Variants in ZNRF1 observed in about 807,000 individuals in gnomAD.
ZNRF1 encodes zinc and ring finger 1.
In ZNRF1, 3 loss-of-function variants were observed where a neutral mutation model predicts 18.4. That is an observed-to-expected ratio of 0.16 (90% confidence interval 0.07 to 0.42). The LOEUF is 0.42. ZNRF1 is among the 10% of genes least tolerant of loss of function. The probability of loss-of-function intolerance (pLI) is 0.99; values close to 1 mark genes in which losing one functional copy is unlikely to be tolerated. For missense variants in ZNRF1, 310 were observed against 329.8 expected (o/e 0.94, Z 0.47); for synonymous variants, 157 against 144.2 (o/e 1.09, Z -0.64).
chr16:75,099,158 C>T (rs983491006), intron 2 of ZNRF1, among the ~76,000 whole-genome samples: 1 of 152,204 alleles, frequency 6.6e-6, no homozygotes, highest in African/African-American at 2.4e-5. Flanking sequence ...GTGGCAGAAA[C>T]TTGGGCTTGG....
chr16:75,026,709 G>A (rs1274263622), intron 1 of ZNRF1, among the ~76,000 whole-genome samples: 1 of 152,056 alleles, frequency 6.6e-6, no homozygotes, highest in Non-Finnish European at 1.5e-5. Flanking sequence ...GCAGAGGCAG[G>A]CAGATTACTT....
rs145915331 is a variant in ZNRF1, at chr16:75,000,046, G to A, written c.375G>A (p.Ala125=). The part of the protein sequence containing the change: ...MLYLGSRASL[A]DALPLHIAPR... The stretch of plus-strand genomic sequence containing the variant: ...ACCTGGGCTCCCGAGCCTCGCTGGC[G>A]GATGCTCTACCTCTGCACATCGCAC... Residue 125 remains alanine, a synonymous_variant, in exon 1 of 5, where the codon GCG becomes GCA. Coordinates refer to ENST00000335325, the MANE Select transcript of ZNRF1 (RefSeq NM_032268.5). The A allele has an allele frequency of 7.6e-5, 122 of 1,600,132 alleles. No individual in the cohort carries two copies. The African/African-American group carries it at 1.4e-3, about 19-fold the overall frequency.
chr16:75,046,048 A>G (rs575865388), intron 1 of ZNRF1, among the ~76,000 whole-genome samples: 160 of 151,618 alleles, frequency 1.1e-3, no homozygotes, highest in East Asian at 3.9e-4. Flanking sequence ...GATTACAGGC[A>G]CGCACCACCA....
chr16:75,063,234 G>A (rs1009252033), intron 1 of ZNRF1, among the ~76,000 whole-genome samples: 9 of 152,296 alleles, frequency 5.9e-5, no homozygotes, highest in East Asian at 3.9e-4. Flanking sequence ...CAAGCTGGGC[G>A]CTCACAGCCG....
At chr16:75,000,723 G>C (rs1234808229) in intron 1 of ZNRF1, among the ~76,000 whole-genome samples, 1 of 152,164 alleles carries the variant, frequency 6.6e-6, no homozygotes, top group Non-Finnish European at 1.5e-5. Context: ...TGCAGGACCC[G>C]GGCTGTGGTC....
At chr16:75,052,165 A>G (rs981506968) in intron 1 of ZNRF1, among the ~76,000 whole-genome samples, 79 of 152,156 alleles carry the variant, frequency 5.2e-4, no homozygotes, top group Non-Finnish European at 1.0e-4. Flanking sequence ...TTGGGAGGCC[A>G]AGGCTGGAGG....
chr16:75,045,142 G>A (rs1032266712), intron 1 of ZNRF1, among the ~76,000 whole-genome samples: 16 of 152,200 alleles, frequency 1.1e-4, no homozygotes, highest in African/African-American at 3.9e-4. Flanking sequence ...TGTTCTTTGA[G>A]CACTTGATGT....
intron 2 of ZNRF1, among the ~76,000 whole-genome samples, chr16:75,094,308 C>G (rs749877386): frequency 6.6e-6 from 1 of 152,052 alleles, no homozygotes; most frequent in Non-Finnish European, 1.5e-5. Flanking sequence ...GCCTCAGAGC[C>G]GAACAGTGAA....
chr16:75,102,228 TAA>T (rs1427129317), intron 2 of ZNRF1, among the ~76,000 whole-genome samples: 1 of 151,982 alleles, frequency 6.6e-6, no homozygotes, highest in Non-Finnish European at 1.5e-5. Context: ...ACCAAAATAA[TAA>T]GAGAACACAA....
At chr16:75,016,678 G>T (rs931546196) in intron 1 of ZNRF1, among the ~76,000 whole-genome samples, 4 of 151,328 alleles carry the variant, frequency 2.6e-5, no homozygotes, top group African/African-American at 9.7e-5. Flanking sequence ...TGGGACTACA[G>T]GCGTCTGTCA....
intron 1 of ZNRF1, among the ~76,000 whole-genome samples, chr16:75,078,541 C>G (rs761219031): frequency 1.3e-5 from 2 of 152,142 alleles, no homozygotes; most frequent in Non-Finnish European, 2.9e-5. Context: ...TCATGTGATC[C>G]ACCAGCCTCT....
chr16:75,062,033 T>G (rs912975558), intron 1 of ZNRF1, among the ~76,000 whole-genome samples: 7 of 152,220 alleles, frequency 4.6e-5, no homozygotes, highest in African/African-American at 1.7e-4. Flanking sequence ...ACTTTTGACT[T>G]GACACAAGTG....
chr16:75,009,504 C>A (rs575884726), intron 1 of ZNRF1, among the ~76,000 whole-genome samples: 25 of 152,286 alleles, frequency 1.6e-4, no homozygotes, highest in Non-Finnish European at 5.9e-5. Flanking sequence ...GTCTGTCTAC[C>A]ACGTTTTACT....
At chr16:75,046,228 C>G (rs1362563620) in intron 1 of ZNRF1, among the ~76,000 whole-genome samples, 1 of 149,720 alleles carries the variant, frequency 6.7e-6, no homozygotes, top group African/African-American at 2.5e-5. Flanking sequence ...TTTATATAGG[C>G]CTCAATGAGT....
chr16:75,047,863 A>G lies in ZNRF1; in HGVS notation c.425-45709A>G, dbSNP rs531702022. Among the ~76,000 whole-genome samples, 157 of 152,018 alleles carry G rather than the reference A, an allele frequency of 1.0e-3. 1 individual carries two copies. The highest frequency in any genetic ancestry group is 3.6e-3 in the African/African-American group (151 of 41,450). ...GGTATTAGCAGGGTTGTTTCTTCTG[A>G]GGCCTCTTTCCTTGGCTTGCAGATG... On this transcript the variant is annotated intron_variant, in intron 1 of 4. Coordinates refer to ENST00000335325, the MANE Select transcript of ZNRF1 (RefSeq NM_032268.5).
chr16:75,078,296 CTTTTTTTTTTT>C (rs36075131), intron 1 of ZNRF1, among the ~76,000 whole-genome samples: 2 of 113,128 alleles, frequency 1.8e-5, no homozygotes, highest in Non-Finnish European at 1.8e-5. Context: ...TCTTTCTTTC[CTTTTTTTTTTT>C]TTTTTTTTTT....
At chr16:75,084,789 G>A (rs765242900) in intron 1 of ZNRF1, among the ~76,000 whole-genome samples, 4 of 152,122 alleles carry the variant, frequency 2.6e-5, no homozygotes, top group Non-Finnish European at 4.4e-5. Flanking sequence ...GTCCCTGACC[G>A]CTGTATCCAA....
Position 75,017,486 on chromosome 16 carries a change from A to G in ZNRF1, c.424+17391A>G, listed in dbSNP as rs546341559. Among the ~76,000 whole-genome samples the G allele has an allele frequency of 3.3e-5, 5 of 152,372 alleles. No individual in the cohort carries two copies. In the South Asian group the frequency reaches 1.0e-3, roughly 32 times the overall value. ...AGAATTCTCAAAGGTTATCAGAAAG[A>G]TAAATCATTGACATCCATTATGTTC... On this transcript the variant is annotated intron_variant, in intron 1 of 4. Coordinates refer to ENST00000335325, the MANE Select transcript of ZNRF1 (RefSeq NM_032268.5).
chr16:75,101,949 C>T (rs2036259755), intron 2 of ZNRF1, among the ~76,000 whole-genome samples: 1 of 152,226 alleles, frequency 6.6e-6, no homozygotes, highest in Admixed American at 6.5e-5. Context: ...ACTGTGCCAT[C>T]TCCCTTCTCA....
Sources: allele counts gnomAD v4.1 joint callset (sites outside exome capture counted in the v4.1 genomes callset), GRCh38; gene constraint gnomAD v4.1.1; transcripts MANE v1.5; gene names NCBI Gene and HGNC (gene_info 2026-07-23, HGNC 2026-07-21).